The following ATP5MJ variants were observed in gnomAD, a reference collection of about 807,000 sequenced individuals.
ATP5MJ encodes the protein ATP synthase membrane subunit j.
A neutral mutation model predicts 8.3 loss-of-function variants in ATP5MJ; 4 were observed. The ratio of observed to expected loss-of-function variants is 0.48; its 90% CI spans 0.24 to 1.11. The LOEUF (loss-of-function observed/expected upper bound fraction) is 1.11. ATP5MJ is among the 50% of genes least tolerant of loss of function. The probability of loss-of-function intolerance (pLI) is 0.18; values close to 1 mark genes in which losing one functional copy is unlikely to be tolerated. For synonymous variants in ATP5MJ, 23 were observed against 21.3 expected, an observed-to-expected ratio of 1.08 and a Z score of -0.23; for missense variants, 66 against 71.8, an observed-to-expected ratio of 0.92 and a Z score of 0.29.
chr14:103,917,672 T>C (rs1164905690), intron 1 of ATP5MJ, among the ~76,000 whole-genome samples: 1 of 152,068 alleles, frequency 6.6e-6, no homozygotes, highest in African/African-American at 2.4e-5. Flanking sequence ...GTGTCTTGAG[T>C]CAGGCAAGAA....
intron 1 of ATP5MJ, 180 bp downstream of exon 1, chr14:103,921,290 T>C: frequency 5.1e-6 from 2 of 390,028 alleles, no homozygotes; most frequent in South Asian, 7.1e-5. Flanking sequence ...TAGGCGATGC[T>C]TCCCTCTGGC....
In ATP5MJ at chr14:103,914,941, A is replaced by C; in HGVS notation, c.124+125T>G. ...GTGCTCCCTGTATTTTTTACGAAGG[A>C]CTGTAGGTAGCTCTAATGTTCATAC... On this transcript the variant is annotated intron_variant, in intron 2 of 3. Transcript: ENST00000286953. The C allele has an allele frequency of 2.4e-6, 3 of 1,233,902 alleles. No individual in the cohort carries two copies. The South Asian group carries it at 4.2e-5, about 17-fold the overall frequency. 76.4% of individuals were successfully genotyped at this position (1,233,902 alleles called of 1,614,324 possible).
chr14:103,916,318 A>G (rs920540723), intron 1 of ATP5MJ, among the ~76,000 whole-genome samples: 1 of 152,210 alleles, frequency 6.6e-6, no homozygotes, highest in Non-Finnish European at 1.5e-5. Context: ...TCTACTATAG[A>G]CCGCAAATTA....
chr14:103,914,848 A>AAAG lies in ATP5MJ; in HGVS notation c.124+217_124+218insCTT. 1.6e-5 allele frequency: 7 copies of AAAG among 438,428 alleles called. No homozygotes were observed. The East Asian group carries it at 2.3e-4, about 14-fold the overall frequency. The allele number at this position is 438,428 out of a possible 1,614,324, so 27.2% of individuals were successfully genotyped here. A position where few individuals can be genotyped will look rare whatever the true frequency, so the allele number is the denominator to read the frequency against. Reference sequence around the variant, plus strand: ...TGAGAGACTGTCTCCAAAAAAAAAAAAAAAAAAAAGAAAAGAAAAGAAAAA... The same window carrying AAAG: ...TGAGAGACTGTCTCCAAAAAAAAAAAAAGAAAAAAAAAGAAAAGAAAAGAAAAA... On this transcript the variant is annotated intron_variant, in intron 2 of 3. Coordinates refer to ENST00000286953, the MANE Select transcript of ATP5MJ (RefSeq NM_004894.3).
In ATP5MJ at chr14:103,920,998, C is replaced by T. The variant is rs558780926; in HGVS notation, c.-1+472G>A. 175 of 1,551,526 alleles carry T rather than the reference C, an allele frequency of 1.1e-4. 1 individual carries two copies. Among genetic ancestry groups the T allele is most frequent in the Middle Eastern group, 1.0e-3 (6 of 6,014 alleles). On this transcript the variant is annotated intron_variant, in intron 1 of 3. Coordinates refer to ENST00000286953, the MANE Select transcript of ATP5MJ (RefSeq NM_004894.3). ...AGTTCCATACAATTTCATTCAGCAC[C>T]GTATGATCTCTTTTCAGCTTCCCTG...
At chr14:103,920,322 C>T (rs2087665629) in intron 1 of ATP5MJ, among the ~76,000 whole-genome samples, 3 of 150,030 alleles carry the variant, frequency 2.0e-5, no homozygotes, top group South Asian at 2.1e-4. Context: ...TTGGTAAAGA[C>T]GGGGTTTCAC....
At position 103,914,837 on chromosome 14, in the gene ATP5MJ, C is replaced by CAAA. The variant is rs35916279; in HGVS notation, c.124+226_124+228dup. The CAAA allele has an allele frequency of 8.0e-3, 1,521 of 190,080 alleles. 32 individuals are homozygous for CAAA. The highest frequency in any genetic ancestry group is 0.051 in the African/African-American group (824 of 16,298). 11.8% of individuals were successfully genotyped at this position (190,080 alleles called of 1,614,324 possible). A position where few individuals can be genotyped will look rare whatever the true frequency, so the allele number is the denominator to read the frequency against. ...GGGCGTCAGAGTGAGAGACTGTCTC[C>CAAA]AAAAAAAAAAAAAAAAAAAAGAAAA... On this transcript the variant is annotated intron_variant, in intron 2 of 3. Coordinates refer to ENST00000286953, the MANE Select transcript of ATP5MJ (RefSeq NM_004894.3).
chr14:103,918,524 CTAATTTT>C (rs2152107952), intron 1 of ATP5MJ, among the ~76,000 whole-genome samples: 1 of 152,054 alleles, frequency 6.6e-6, no homozygotes, highest in East Asian at 2.0e-4. Flanking sequence ...CCACGCCTGG[CTAATTTT>C]TTGTATTTTT....
chr14:103,915,770 G>A (rs2152107542), intron 1 of ATP5MJ, among the ~76,000 whole-genome samples: 1 of 151,692 alleles, frequency 6.6e-6, no homozygotes, highest in African/African-American at 2.4e-5. Flanking sequence ...ATTACGGTGT[G>A]AGCCACAGGG....
intron 1 of ATP5MJ, among the ~76,000 whole-genome samples, chr14:103,919,305 C>T (rs899520556): frequency 1.3e-4 from 20 of 150,654 alleles, no homozygotes; most frequent in African/African-American, 4.4e-4. Context: ...CGCTTGAACC[C>T]GGGAGGCGGA....
chr14:103,920,468 C>CTTTT (rs57538744), intron 1 of ATP5MJ, among the ~76,000 whole-genome samples: 101 of 106,548 alleles, frequency 9.5e-4, no homozygotes, highest in African/African-American at 3.4e-3. Flanking sequence ...ACAGCCCCTA[C>CTTTT]TTTTTTTTTT....
intron 3 of ATP5MJ, chr14:103,913,104 G>A (rs1369988997): frequency 6.2e-6 from 1 of 162,544 alleles, no homozygotes; most frequent in African/African-American, 2.4e-5. Context: ...GCCAAGGCAG[G>A]TGGATCACCT....
intron 1 of ATP5MJ, among the ~76,000 whole-genome samples, chr14:103,919,650 T>C (rs551402135): frequency 6.6e-6 from 1 of 152,212 alleles, no homozygotes; most frequent in East Asian, 1.9e-4. Flanking sequence ...ATGCTGACAT[T>C]GTGCTCCGGG....
chr14:103,914,169 G>T, intron 2 of ATP5MJ, 185 bp from the exon 3 acceptor site: 1 of 610,668 alleles, frequency 1.6e-6, no homozygotes, highest in Non-Finnish European at 2.9e-6. Context: ...ACAGCTAACA[G>T]CCCTTTCAAA....
chr14:103,914,913 C>A, intron 2 of ATP5MJ, 153 bp downstream of exon 2: 2 of 823,660 alleles, frequency 2.4e-6, no homozygotes, highest in Non-Finnish European at 3.6e-6. Flanking sequence ...TTATAGCTGA[C>A]ATGTGCTCCC....
At chr14:103,915,325 C>G (rs772463787) in intron 1 of ATP5MJ, 136 bp from the exon 2 acceptor site, 1 of 927,602 alleles carries the variant, frequency 1.1e-6, no homozygotes, top group Non-Finnish European at 1.6e-6. Context: ...ATGTCAGACC[C>G]GTTCTGCACT....
intron 1 of ATP5MJ, among the ~76,000 whole-genome samples, chr14:103,916,261 T>G (rs2087624880): frequency 6.6e-6 from 1 of 152,248 alleles, no homozygotes; most frequent in Non-Finnish European, 1.5e-5. Flanking sequence ...TTTGCTTGTA[T>G]GTGCAGGTCT....
intron 3 of ATP5MJ, chr14:103,913,558 C>G (rs8022769): frequency 3.6e-6 from 1 of 274,342 alleles, no homozygotes; most frequent in Non-Finnish European, 6.7e-6. Flanking sequence ...TTGCAGTGAG[C>G]TGAGATCGCA....
chr14:103,913,025 C>T (rs1050161714), intron 3 of ATP5MJ: 9 of 275,374 alleles, frequency 3.3e-5, no homozygotes, highest in South Asian at 2.1e-4. Flanking sequence ...ATTTATAAGG[C>T]GCTTTCTTTC....
Sources: gnomAD v4.1 joint callset for allele counts (sites outside exome capture counted in the v4.1 genomes callset) on GRCh38, gnomAD v4.1.1 for gene constraint, MANE v1.5 for transcripts, NCBI Gene and HGNC (gene_info 2026-07-23, HGNC 2026-07-21) for gene names.